The following CIB1 variants were observed in gnomAD, a reference collection of about 807,000 sequenced individuals.
CIB1 encodes calcium and integrin binding 1.
In CIB1, 19 loss-of-function variants were observed where a neutral mutation model predicts 25.0. The observed-to-expected ratio is 0.76, with a 90% confidence interval of 0.53 to 1.12. The LOEUF (loss-of-function observed/expected upper bound fraction) is 1.12, where lower values mean the gene tolerates loss of function less well. CIB1 is among the 50% of genes most tolerant of loss of function. The pLI is 0.00. For missense variants in CIB1, 236 were observed against 242.6 expected (o/e 0.97, Z 0.18); for synonymous variants, 104 against 98.5 (o/e 1.06, Z -0.33).
At chr15:90,246,071 C>A in the CIB1 span, among the ~76,000 whole-genome samples, 2 of 151,986 alleles carry the variant, frequency 1.3e-5, no homozygotes, top group African/African-American at 4.8e-5. Context: ...GTCAGGAATT[C>A]AAGACCAGCC....
chr15:90,241,090 C>T, the CIB1 span: 1 of 1,614,184 alleles, frequency 6.2e-7, no homozygotes, highest in East Asian at 2.2e-5. Context: ...CCCTTTGATG[C>T]TGCACTCTGC....
chr15:90,237,397 T>C (rs1434343447), upstream of CIB1, among the ~76,000 whole-genome samples: 1 of 147,716 alleles, frequency 6.8e-6, no homozygotes, highest in Non-Finnish European at 1.5e-5. Context: ...TTCTCCTGCC[T>C]CAGCCTCCCA....
chr15:90,241,066 C>T, the CIB1 span: 1 of 1,614,178 alleles, frequency 6.2e-7, no homozygotes, highest in Non-Finnish European at 8.5e-7. Flanking sequence ...ATCCCAGATG[C>T]TCTGCCACAA....
intron 2 of CIB1, among the ~76,000 whole-genome samples, chr15:90,233,147 AGT>A (rs746609040): frequency 1.1e-4 from 16 of 152,308 alleles, no homozygotes; most frequent in Admixed American, 2.0e-4. Flanking sequence ...ACTTACTCAG[AGT>A]GTTGTCTTAA....
chr15:90,230,786 G>A (rs965900089), intron 6 of CIB1, 148 bp downstream of exon 6: 8 of 779,850 alleles, frequency 1.0e-5, no homozygotes, highest in Non-Finnish European at 1.3e-5. Flanking sequence ...CCCCTGCCCG[G>A]GGCGAGACTG....
At position 90,230,944 on chromosome 15, in the gene CIB1, C is replaced by T; in HGVS notation, c.544G>A (p.Asp182Asn). 6.2e-7 allele frequency: 1 copy of T among 1,614,028 alleles called. No individual in the cohort carries two copies. Among genetic ancestry groups the T allele is most frequent in the East Asian group, 2.2e-5 (1 of 44,874 alleles). Residue 182 changes from aspartate to asparagine, a missense_variant, in exon 6 of 7, where the codon GAC becomes AAC. By Grantham distance (23) the Asp-to-Asn change is conservative. Transcript: ENST00000328649. ...EFQHVISRSPDFASSFKIVL is the reference protein window; with the variant it reads ...EFQHVISRSPNFASSFKIVL ...GGACCACTGTCATACCTGGCAAAGT[C>T]TGGAGAACGGGAGATGACGTGCTGG... is the stretch of plus-strand genomic sequence containing the variant.
At chr15:90,262,721 A>G in the CIB1 span, 1 of 1,422,406 alleles carries the variant, frequency 7.0e-7, no homozygotes, top group South Asian at 1.5e-5. Context: ...GGGTTGGGAC[A>G]ACTAGATAGG....
At chr15:90,236,690 C>A (rs1210793653), upstream of CIB1, among the ~76,000 whole-genome samples, 1 of 151,824 alleles carries the variant, frequency 6.6e-6, no homozygotes, top group Non-Finnish European at 1.5e-5. Flanking sequence ...TGCACCACCA[C>A]GCCCAGCTAA....
chr15:90,263,334 T>C, the CIB1 span: 2 of 558,392 alleles, frequency 3.6e-6, no homozygotes, highest in Non-Finnish European at 6.2e-6. Context: ...CCAAGCTCCT[T>C]TGTTTTAGAT....
chr15:90,265,659 G>A, the CIB1 span: 1 of 1,603,514 alleles, frequency 6.2e-7, no homozygotes, highest in Non-Finnish European at 8.5e-7. Flanking sequence ...GGTCTTACCC[G>A]GCTACTTCCG....
the CIB1 span, chr15:90,250,884 G>C: frequency 6.2e-7 from 1 of 1,613,286 alleles, no homozygotes; most frequent in Non-Finnish European, 8.5e-7. Context: ...AGGCGGAAAC[G>C]CAGGTAACTA....
At chr15:90,246,491 A>G in the CIB1 span, among the ~76,000 whole-genome samples, 1 of 152,024 alleles carries the variant, frequency 6.6e-6, no homozygotes, top group Non-Finnish European at 1.5e-5. Flanking sequence ...GAATCCAGTT[A>G]ACAGACTGCT....
At chr15:90,251,139 A>G in the CIB1 span, among the ~76,000 whole-genome samples, 1 of 43,670 alleles carries the variant, frequency 2.3e-5, no homozygotes, top group Admixed American at 3.3e-4. Context: ...TTTGAGACAG[A>G]GTCTCGCTCT....
the CIB1 span, chr15:90,258,153 C>T: frequency 2.4e-5 from 39 of 1,614,230 alleles, no homozygotes; most frequent in Middle Eastern, 8.2e-4. Context: ...TTCTGTTCTA[C>T]GCCACAACTA....
At chr15:90,253,262 C>T in the CIB1 span, 28 of 1,613,724 alleles carry the variant, frequency 1.7e-5, no homozygotes, top group Non-Finnish European at 2.1e-5. Context: ...GTCGGGCAGC[C>T]CAAATGTGTG....
the CIB1 span, among the ~76,000 whole-genome samples, chr15:90,256,917 A>C: frequency 3.9e-5 from 6 of 151,934 alleles, no homozygotes; most frequent in African/African-American, 1.5e-4. Context: ...TGAACTCCTG[A>C]ACTCGTGATC....
intron 2 of CIB1, among the ~76,000 whole-genome samples, chr15:90,233,014 T>C (rs1406445834): frequency 2.6e-5 from 4 of 152,030 alleles, no homozygotes; most frequent in African/African-American, 9.7e-5. Context: ...CAAAGCCTCC[T>C]TTTTAGCAAC....
the CIB1 span, chr15:90,242,278 T>TA: frequency 1.1e-4 from 27 of 247,858 alleles, no homozygotes; most frequent in Admixed American, 1.1e-3. Flanking sequence ...TTTTTTTTTT[T>TA]AACGATTAGG....
Position 90,230,417 on chromosome 15 carries a change from C to T in CIB1, c.*67G>A. On this transcript the variant is annotated 3_prime_UTR_variant, in exon 7 of 7. Coordinates refer to ENST00000328649, the MANE Select transcript of CIB1 (RefSeq NM_006384.4). ...GCCCGCACTGGCAACACAGGCTTGA[C>T]CTTGGCCACAGCTCAGCAGTAGAAA... The T allele has an allele frequency of 6.5e-6, 10 of 1,539,716 alleles. No homozygotes were observed. Among genetic ancestry groups the T allele is most frequent in the East Asian group, 2.4e-5 (1 of 40,842 alleles).
Sources: allele counts gnomAD v4.1 joint callset (sites outside exome capture counted in the v4.1 genomes callset), GRCh38; gene constraint gnomAD v4.1.1; transcripts MANE v1.5; gene names NCBI Gene and HGNC (gene_info 2026-07-23, HGNC 2026-07-21).